Variants in ZFC3H1 observed in about 807,000 individuals in gnomAD.
ZFC3H1 encodes the protein zinc finger C3H1 domain-containing protein.
ZFC3H1 carries 71 observed loss-of-function variants against 243.7 expected under a neutral mutation model. The observed-to-expected ratio is 0.29, with a 90% CI of 0.24 to 0.36. The LOEUF is 0.36. Ranked by LOEUF, ZFC3H1 falls within the 10% of genes least tolerant of loss-of-function variation. ZFC3H1 has a pLI of 1.00. For missense variants in ZFC3H1, 1,966 were observed against 2,317.1 expected, an observed-to-expected ratio of 0.85 and a Z score of 3.11; for synonymous variants, 838 against 813.0, an observed-to-expected ratio of 1.03 and a Z score of -0.52.
At chr12:71,639,691 G>C (rs1253931387) in intron 6 of ZFC3H1, among the ~76,000 whole-genome samples, 1 of 152,134 alleles carries the variant, frequency 6.6e-6, no homozygotes, top group Non-Finnish European at 1.5e-5. Context: ...AGCCACTAGG[G>C]GGTCTGAAAG....
rs1261774757 is a variant in ZFC3H1 at position 71,632,992 on chromosome 12, G to A, written c.2711C>T (p.Thr904Ile). The A allele has an allele frequency of 5.6e-6, 9 of 1,612,080 alleles. No homozygotes were observed. In the African/African-American group the frequency reaches 1.2e-4, roughly 22 times the overall value. ...EQIHRVQQRV[T>I]IKKALTLKYG... ...TTTTAGAGTCAAAGCTTTCTTAATT[G>A]TAACACGCTGTTGAACTCTGTGAAT... The change falls in exon 14 of 35, where the codon ACA becomes ATA. Residue 904 changes from threonine (T) to isoleucine (I), a missense_variant. Coordinates refer to ENST00000378743, the MANE Select transcript of ZFC3H1 (RefSeq NM_144982.5).
intron 18 of ZFC3H1, among the ~76,000 whole-genome samples, chr12:71,630,121 A>AT (rs1880285441): frequency 6.6e-6 from 1 of 152,142 alleles, no homozygotes. Context: ...GCTTAATAAT[A>AT]TTTGCTCACA....
intron 3 of ZFC3H1, among the ~76,000 whole-genome samples, chr12:71,646,538 T>A (rs575535148): frequency 1.3e-5 from 2 of 152,374 alleles, no homozygotes; most frequent in African/African-American, 4.8e-5. Context: ...TATTAAACAG[T>A]ACTCATGTAC....
Position 71,630,697 on chromosome 12 carries a change from A to C in ZFC3H1, c.3627T>G (p.Leu1209=). 1 of 1,613,628 alleles carries C rather than the reference A, an allele frequency of 6.2e-7. No individual in the cohort carries two copies. Among genetic ancestry groups the C allele is most frequent in the Middle Eastern group, 1.7e-4 (1 of 6,056 alleles). Reference sequence around the variant, plus strand: ...TGTCCTGGAATAACTGTTTTCGGCTAAGTGTATAGTCTTGTATATGCTGCC... The same window carrying C: ...TGTCCTGGAATAACTGTTTTCGGCTCAGTGTATAGTCTTGTATATGCTGCC... ...CQWQHIQDYT[L]SRKQLFQDIL... is the part of the protein sequence containing the mutation. The change falls in exon 18 of 35, where the codon CTT becomes CTG. Residue 1209 remains leucine, a synonymous_variant. Transcript: ENST00000378743.
intron 16 of ZFC3H1, 138 bp from the exon 17 acceptor site, chr12:71,631,092 C>A: frequency 3.4e-6 from 3 of 874,768 alleles, no homozygotes; most frequent in South Asian, 3.5e-5. Flanking sequence ...TAAATTAATG[C>A]CAAAATTAAT....
Position 71,630,962 on chromosome 12 carries a change from G to A in ZFC3H1, c.3471-8C>T, listed in dbSNP as rs1880306858. ...CGATAATATGGACTAAATCTAAGGT[G>A]AAGAGAGTGAACAGGTATATTATGC... is the stretch of plus-strand genomic sequence containing the variant. On this transcript the variant is annotated splice_polypyrimidine_tract_variant and splice_region_variant and intron_variant, in intron 16 of 34. Coordinates refer to ENST00000378743, the MANE Select transcript of ZFC3H1 (RefSeq NM_144982.5). 1 of 1,601,118 alleles carries A rather than the reference G, an allele frequency of 6.2e-7. No individual in the cohort carries two copies. Among genetic ancestry groups the A allele is most frequent in the Non-Finnish European group, 8.5e-7 (1 of 1,171,470 alleles).
chr12:71,646,678 C>T (rs886250102), intron 3 of ZFC3H1, among the ~76,000 whole-genome samples: 1 of 152,284 alleles, frequency 6.6e-6, no homozygotes, highest in South Asian at 2.1e-4. Context: ...TCTCAAACTC[C>T]TGAGCTAAAG....
At chr12:71,654,553 T>C (rs1433262398) in intron 2 of ZFC3H1, among the ~76,000 whole-genome samples, 2 of 152,344 alleles carry the variant, frequency 1.3e-5, no homozygotes, top group South Asian at 2.1e-4. Context: ...TATCATTCTT[T>C]GTATTTCGGG....
Position 71,614,641 on chromosome 12 carries a change from T to A in ZFC3H1, c.5420A>T (p.Lys1807Ile). 1 of 1,613,090 alleles carries A rather than the reference T, an allele frequency of 6.2e-7. No homozygotes were observed. Among genetic ancestry groups the A allele is most frequent in the Non-Finnish European group, 8.5e-7 (1 of 1,179,540 alleles). ...AGSRNKVQEF[K>I]FFTDLVNRCL... ...TCTATTCACTAAATCAGTAAAAAAT[T>A]TGAATTCTTGAACTTTGTTTCTGGA... The change falls in exon 30 of 35, where the codon AAA becomes ATA. Residue 1807 changes from lysine (K) to isoleucine (I), a missense_variant. Physicochemically the swap from Lys to Ile is moderately radical, Grantham distance 102 (BLOSUM62 -3). Coordinates refer to ENST00000378743, the MANE Select transcript of ZFC3H1 (RefSeq NM_144982.5).
chr12:71,610,642 G>A, intron 34 of ZFC3H1, 53 bp downstream of exon 34: 7 of 1,611,914 alleles, frequency 4.3e-6, no homozygotes, highest in Non-Finnish European at 5.9e-6. Flanking sequence ...TATGGCACAT[G>A]CAGAAAATTT....
In ZFC3H1 at chr12:71,638,477, A is replaced by T; in HGVS notation, c.1666T>A (p.Ser556Thr). The T allele has an allele frequency of 1.2e-6, 2 of 1,612,704 alleles. No homozygotes were observed. Among genetic ancestry groups the T allele is most frequent in the Non-Finnish European group, 1.7e-6 (2 of 1,179,582 alleles). Reference protein sequence around the residue: ...PVQPPFFSECSLGYFSPAPSL... With the variant: ...PVQPPFFSECTLGYFSPAPSL... ...GGTGCTGGAGAAAAATACCCCAATGAACATTCAGAGAAAAATGGCGGTTGC... is the reference window on the plus strand; with the variant it reads ...GGTGCTGGAGAAAAATACCCCAATGTACATTCAGAGAAAAATGGCGGTTGC... The change falls in exon 7 of 35, where the codon TCA (serine) becomes ACA (threonine). Residue 556 changes from serine (S) to threonine (T), a missense_variant. Physicochemically the swap from Ser to Thr is moderately conservative, Grantham distance 58. This residue lies in a region of ZFC3H1 where 1,383 missense variants were observed against 1,723.7 expected (regional missense o/e 0.80). Transcript: ENST00000378743.
At chr12:71,610,841 T>G in intron 33 of ZFC3H1, 84 bp from the exon 34 acceptor site, 1 of 1,480,800 alleles carries the variant, frequency 6.8e-7, no homozygotes, top group Non-Finnish European at 9.3e-7. Context: ...AGAATGGTAA[T>G]TCACAATAAC....
At chr12:71,660,624 G>C (rs1411562242) in intron 1 of ZFC3H1, among the ~76,000 whole-genome samples, 2 of 151,628 alleles carry the variant, frequency 1.3e-5, no homozygotes, top group Non-Finnish European at 2.9e-5. Context: ...GAATAAACAC[G>C]CAGAAAGAGG....
intron 1 of ZFC3H1, among the ~76,000 whole-genome samples, chr12:71,658,436 G>C: frequency 6.6e-6 from 1 of 151,656 alleles, no homozygotes; most frequent in Non-Finnish European, 1.5e-5. Flanking sequence ...TTACAGGTGC[G>C]TGCCACCATG....
chr12:71,655,644 T>C (rs1880997891), intron 2 of ZFC3H1, among the ~76,000 whole-genome samples: 1 of 152,122 alleles, frequency 6.6e-6, no homozygotes, highest in Non-Finnish European at 1.5e-5. Context: ...AACACGAAGT[T>C]AGATTAAAAC....
intron 21 of ZFC3H1, among the ~76,000 whole-genome samples, 200 bp from the exon 22 acceptor site, chr12:71,626,646 C>T (rs1427800620): frequency 6.6e-6 from 1 of 152,128 alleles, no homozygotes; most frequent in African/African-American, 2.4e-5. Flanking sequence ...ACAGACCCAA[C>T]AATTTTTTTA....
chr12:71,615,508 CTTTTT>C (rs745421014), intron 27 of ZFC3H1, among the ~76,000 whole-genome samples, 192 bp from the exon 28 acceptor site: 2 of 151,720 alleles, frequency 1.3e-5, no homozygotes, highest in Admixed American at 6.6e-5. Flanking sequence ...ACTCAAAATG[CTTTTT>C]TTTGTTTGTT....
chr12:71,657,902 T>C (rs12314790), intron 1 of ZFC3H1, among the ~76,000 whole-genome samples: 113 of 151,800 alleles, frequency 7.4e-4, no homozygotes, highest in African/African-American at 2.6e-3. Flanking sequence ...GGCAAGAGAA[T>C]TGCTTGAACT....
Position 71,627,859 on chromosome 12 carries a change from G to A in ZFC3H1, c.4022C>T (p.Thr1341Ile). 5.6e-6 allele frequency: 9 copies of A among 1,613,788 alleles called. No individual in the cohort carries two copies. Among genetic ancestry groups the A allele is most frequent in the Non-Finnish European group, 7.6e-6 (9 of 1,179,898 alleles). ...ATTAGCGATGTCATCAGTCTCATTT[G>A]TAAAGTATCTGACATCATCTGGAGT... ...VVTPDDVRYF[T>I]NETDDIANLE... Residue 1341 changes from threonine (T) to isoleucine (I), a missense_variant, in exon 21 of 35, where the codon ACA becomes ATA. By Grantham distance (89) the Thr-to-Ile change is moderately conservative. This residue lies in a region of ZFC3H1 where 1,383 missense variants were observed against 1,723.7 expected (regional missense o/e 0.80). Transcript: ENST00000378743.
Sources: gnomAD v4.1 joint callset for allele counts (sites outside exome capture counted in the v4.1 genomes callset) on GRCh38, gnomAD v4.1.1 for gene constraint, gnomAD v4.1.1 regional missense constraint, MANE v1.5 for transcripts, NCBI Gene and HGNC (gene_info 2026-07-23, HGNC 2026-07-21) for gene names.